The following RPRD1A variants were observed in gnomAD, a reference collection of about 807,000 sequenced individuals.
The protein encoded by RPRD1A is regulation of nuclear pre-mRNA domain containing 1A.
In RPRD1A, 9 loss-of-function variants were observed where a neutral mutation model predicts 37.8. The ratio of observed to expected loss-of-function variants is 0.24; its 90% CI spans 0.14 to 0.42. The LOEUF (loss-of-function observed/expected upper bound fraction) is 0.42. Among genes scored for constraint, RPRD1A ranks in the 10% least tolerant of loss-of-function variants. RPRD1A has a pLI of 1.00. For synonymous variants in RPRD1A, 138 were observed against 139.7 expected (o/e 0.99, Z 0.08); for missense variants, 255 against 371.0 (o/e 0.69, Z 2.57).
intron 6 of RPRD1A, among the ~76,000 whole-genome samples, chr18:36,021,762 G>T (rs1299559800): frequency 2.0e-5 from 3 of 152,206 alleles, no homozygotes. Flanking sequence ...ACTTTGGGAG[G>T]CTGAGGCAGG....
intron 1 of RPRD1A, among the ~76,000 whole-genome samples, chr18:36,066,081 G>T (rs1364328598): frequency 2.0e-5 from 3 of 152,088 alleles, no homozygotes; most frequent in Non-Finnish European, 2.9e-5. Context: ...TTATATCAGT[G>T]TTTCTGAAAC....
intron 1 of RPRD1A, among the ~76,000 whole-genome samples, chr18:36,042,957 T>C (rs557153574): frequency 6.6e-6 from 1 of 152,332 alleles, no homozygotes; most frequent in South Asian, 2.1e-4. Context: ...ATCCTATGGA[T>C]ATGGATATAT....
At chr18:36,005,560 T>A (rs1044652006) in intron 6 of RPRD1A, among the ~76,000 whole-genome samples, 2 of 152,200 alleles carry the variant, frequency 1.3e-5, no homozygotes, top group Non-Finnish European at 2.9e-5. Context: ...ATAAGCTGAA[T>A]TAAAGTACCC....
intron 1 of RPRD1A, among the ~76,000 whole-genome samples, chr18:36,038,975 C>T (rs1912390024): frequency 2.0e-5 from 3 of 152,118 alleles, no homozygotes; most frequent in Non-Finnish European, 2.9e-5. Flanking sequence ...ATTTTACAGG[C>T]TCATAGGTGG....
At chr18:36,055,172 AT>A (rs1406913336) in intron 1 of RPRD1A, among the ~76,000 whole-genome samples, 1 of 152,250 alleles carries the variant, frequency 6.6e-6, no homozygotes, top group African/African-American at 2.4e-5. Flanking sequence ...GAAAAGTGAA[AT>A]TTTTTGATAG....
chr18:36,023,499 G>C (rs1011137870), intron 6 of RPRD1A, among the ~76,000 whole-genome samples: 5 of 152,218 alleles, frequency 3.3e-5, no homozygotes, highest in African/African-American at 9.6e-5. Context: ...TCTACTCCCA[G>C]TGGAGATGAA....
At chr18:36,028,341 G>A (rs143562152) in intron 4 of RPRD1A, among the ~76,000 whole-genome samples, 1 of 152,156 alleles carries the variant, frequency 6.6e-6, no homozygotes, top group Non-Finnish European at 1.5e-5. Flanking sequence ...CTCATTAGAA[G>A]TGTTTAAAAT....
At chr18:36,037,636 G>A (rs1172676349) in intron 1 of RPRD1A, among the ~76,000 whole-genome samples, 1 of 152,212 alleles carries the variant, frequency 6.6e-6, no homozygotes, top group Non-Finnish European at 1.5e-5. Context: ...GTAACAGGCA[G>A]AGGTTGGAAC....
chr18:36,030,697 T>C (rs1911715138), intron 4 of RPRD1A, 111 bp downstream of exon 4: 8 of 644,780 alleles, frequency 1.2e-5, no homozygotes, highest in Non-Finnish European at 5.4e-6. Flanking sequence ...TTCTTTCTTG[T>C]ACCTAAAAGT....
Position 36,010,377 on chromosome 18 carries a change from T to C in RPRD1A, c.789+16523A>G, listed in dbSNP as rs754157868. 8.9e-4 allele frequency among the ~76,000 whole-genome samples: 135 copies of C among 152,174 alleles called. 1 individual carries two copies. The highest frequency in any genetic ancestry group is 3.2e-4 in the Non-Finnish European group (22 of 67,998). On this transcript the variant is annotated intron_variant, in intron 6 of 6. Transcript: ENST00000399022. ...GTGTGGTAGTGTGTGCCTGTAGTTC[T>C]AGCTTCTTGGGAAGCTGAGGTGGGA...
At chr18:36,038,844 C>T (rs1216795985) in intron 1 of RPRD1A, among the ~76,000 whole-genome samples, 2 of 152,176 alleles carry the variant, frequency 1.3e-5, no homozygotes, top group African/African-American at 4.8e-5. Flanking sequence ...TGCTGGGTTT[C>T]GGACTTGCAT....
chr18:36,034,812 T>G lies in RPRD1A; in HGVS notation c.152-975A>C, dbSNP rs186418967. Among the ~76,000 whole-genome samples, 62 of 152,308 alleles carry G rather than the reference T, an allele frequency of 4.1e-4. No individual in the cohort carries two copies. The East Asian group carries it at 0.011, about 28-fold the overall frequency. ...CATGTGGTCCTCTAGATGTTAAGTA[T>G]TCAATTTACAAATTTAAGCATTTGA... On this transcript the variant is annotated intron_variant, in intron 1 of 6. Coordinates refer to ENST00000399022, the MANE Select transcript of RPRD1A (RefSeq NM_018170.5).
chr18:36,044,996 T>C (rs1912853371), intron 1 of RPRD1A, among the ~76,000 whole-genome samples: 1 of 152,012 alleles, frequency 6.6e-6, no homozygotes, highest in South Asian at 2.1e-4. Context: ...TCACAGCACT[T>C]TGGGAGGCCA....
intron 1 of RPRD1A, among the ~76,000 whole-genome samples, chr18:36,038,564 T>C (rs536557021): frequency 1.3e-5 from 2 of 152,294 alleles, no homozygotes; most frequent in Admixed American, 1.3e-4. Flanking sequence ...GGGCAGTGCG[T>C]AGGGGAAATG....
intron 6 of RPRD1A, among the ~76,000 whole-genome samples, chr18:36,015,767 C>T (rs1312771737): frequency 6.6e-6 from 1 of 152,004 alleles, no homozygotes; most frequent in African/African-American, 2.4e-5. Context: ...TCCGGAATAG[C>T]CAAATTCAGA....
chr18:35,993,238 C>A lies in RPRD1A; in HGVS notation c.852G>T (p.Gln284His), dbSNP rs948620722. Reference sequence around the variant, plus strand: ...GCAATCGAGATAAGTCTGGCAGGCTCTGGATCCGGGACCTGAGTTCTTTGC... The same window carrying A: ...GCAATCGAGATAAGTCTGGCAGGCTATGGATCCGGGACCTGAGTTCTTTGC... The part of the protein sequence containing the change: ...LVRKELRSRI[Q>H]SLPDLSRLPN... The change falls in exon 7 of 7, where the codon CAG (glutamine) becomes CAT (histidine). Residue 284 changes from glutamine (Q) to histidine (H), a missense_variant. Physicochemically the swap from Gln to His is conservative, Grantham distance 24. Around this residue, in one of 2 missense-constraint regions of RPRD1A, gnomAD observed 211 missense variants for 268.9 expected, o/e 0.78. Coordinates refer to ENST00000399022, the MANE Select transcript of RPRD1A (RefSeq NM_018170.5). 5 of 1,614,056 alleles carry A rather than the reference C, an allele frequency of 3.1e-6. No homozygotes were observed. In the East Asian group the frequency reaches 1.1e-4, roughly 36 times the overall value.
At chr18:36,026,691 C>A in intron 6 of RPRD1A, 1 of 415,258 alleles carries the variant, frequency 2.4e-6, no homozygotes, top group South Asian at 6.3e-5. Flanking sequence ...ATCAATTTTG[C>A]TAATTCCAAA....
chr18:36,067,513 C>A lies in RPRD1A; in HGVS notation c.-109G>T, dbSNP rs936991046. The A allele has an allele frequency of 5.1e-6, 6 of 1,185,942 alleles. No homozygotes were observed. Among genetic ancestry groups the A allele is most frequent in the Non-Finnish European group, 7.0e-6 (6 of 859,108 alleles). The allele number at this position is 1,185,942 out of a possible 1,614,324, so 73.5% of individuals were successfully genotyped here. A position where few individuals can be genotyped will look rare whatever the true frequency, so the allele number is the denominator to read the frequency against. The stretch of plus-strand genomic sequence containing the variant: ...CTCACCCCACCCTTCCCCACGCTCT[C>A]ACCACGGCCGCCGCTTCATCCAAGA... On this transcript the variant is annotated 5_prime_UTR_variant, in exon 1 of 7. The change abolishes the stop of an existing upstream ORF in the 5' untranslated region. Coordinates refer to ENST00000399022, the MANE Select transcript of RPRD1A (RefSeq NM_018170.5).
At chr18:36,047,096 C>T (rs1413467404) in intron 1 of RPRD1A, among the ~76,000 whole-genome samples, 2 of 151,944 alleles carry the variant, frequency 1.3e-5, no homozygotes, top group Non-Finnish European at 2.9e-5. Context: ...TGGCTCATAC[C>T]TGTAGTCCCA....
Sources: allele counts gnomAD v4.1 joint callset (sites outside exome capture counted in the v4.1 genomes callset), GRCh38; gene constraint gnomAD v4.1.1; regional missense constraint gnomAD v4.1.1; transcripts MANE v1.5; gene names NCBI Gene and HGNC (gene_info 2026-07-23, HGNC 2026-07-21).